OAS1: variants seen among roughly 807,000 people sequenced by gnomAD.
The protein encoded by OAS1 is 2'-5'-oligoadenylate synthetase 1.
OAS1 carries 24 observed loss-of-function variants against 38.5 expected under a neutral mutation model. The observed-to-expected ratio is 0.62, with a 90% CI of 0.45 to 0.88. The LOEUF is 0.88. Among genes scored for constraint, OAS1 ranks in the 40% least tolerant of loss-of-function variants. The pLI is 0.00. For missense variants in OAS1, 482 were observed against 493.9 expected (o/e 0.98, Z 0.23); for synonymous variants, 169 against 193.9 (o/e 0.87, Z 1.07).
chr12:112,918,442 C>T (rs570817835), intron 5 of OAS1: 60 of 331,340 alleles, frequency 1.8e-4, no homozygotes, highest in Middle Eastern at 1.4e-3. Context: ...AATCGTACTG[C>T]GATAAACATA....
At chr12:112,911,268 G>A (rs754062060) in intron 3 of OAS1, 33 bp downstream of exon 3, 2 of 1,547,812 alleles carry the variant, frequency 1.3e-6, no homozygotes, top group Non-Finnish European at 1.8e-6. Flanking sequence ...GGTGGGTCCT[G>A]TCTCGACTGG....
intron 2 of OAS1, 113 bp from the exon 3 acceptor site, chr12:112,910,938 G>A (rs1593155294): frequency 3.1e-6 from 3 of 953,918 alleles, no homozygotes; most frequent in Admixed American, 2.3e-5. Context: ...CCCAGCCCTG[G>A]GTCTGCTGCA....
chr12:112,907,194 CTGTG>C lies in OAS1; in HGVS notation c.163_166del (p.Val55ProfsTer4), dbSNP rs770069482. ...AGGTGCTTCCGAGGTAGCTCCTACC[CTGTG>C]TGTGTGTCCAAGGTGGTAAAGGTGA... On this transcript the variant is annotated frameshift_variant, in exon 1 of 6. Coordinates refer to ENST00000202917, the MANE Select transcript of OAS1 (RefSeq NM_016816.4). LOFTEE classifies it high-confidence loss of function. The C allele has an allele frequency of 3.1e-6, 5 of 1,614,120 alleles. No homozygotes were observed. In the South Asian group the frequency reaches 5.5e-5, roughly 18 times the overall value.
rs1232046389 is a variant in OAS1 at position 112,919,634 on chromosome 12, A to G, written c.*81A>G. On this transcript the variant is annotated 3_prime_UTR_variant, in exon 6 of 6. Coordinates refer to ENST00000202917, the MANE Select transcript of OAS1 (RefSeq NM_016816.4). ...TTTTCAGGTGGGACTCTTGATCCAG[A>G]GAGGACAAAGCTCCTCAGTGAGCTG... 1.2e-6 allele frequency: 2 copies of G among 1,609,934 alleles called. No homozygotes were observed. Among genetic ancestry groups the G allele is most frequent in the Non-Finnish European group, 1.7e-6 (2 of 1,178,114 alleles).
At chr12:112,930,198 G>A (rs2043589064) in intron 6 of OAS1, among the ~76,000 whole-genome samples, 1 of 152,120 alleles carries the variant, frequency 6.6e-6, no homozygotes, top group Non-Finnish European at 1.5e-5. Flanking sequence ...CTTCTGCTAT[G>A]ATTGTAAGCC....
intron 3 of OAS1, among the ~76,000 whole-genome samples, chr12:112,913,073 T>C (rs2043409192): frequency 6.6e-6 from 1 of 152,242 alleles, no homozygotes; most frequent in Non-Finnish European, 1.5e-5. Flanking sequence ...TGATGGTCTA[T>C]TGGTAGTAAA....
intron 6 of OAS1, among the ~76,000 whole-genome samples, chr12:112,926,917 G>C (rs951512747): frequency 4.6e-5 from 7 of 152,090 alleles, no homozygotes; most frequent in South Asian, 2.1e-4. Context: ...CTTTTCCCAG[G>C]GCTGTTAATT....
chr12:112,924,332 A>G (rs1268278536), downstream of OAS1, among the ~76,000 whole-genome samples: 3 of 152,090 alleles, frequency 2.0e-5, no homozygotes. Flanking sequence ...TCTTTTTATC[A>G]AGTCATTGGT....
intron 6 of OAS1, among the ~76,000 whole-genome samples, chr12:112,927,588 C>T (rs1393262137): frequency 6.6e-6 from 1 of 152,202 alleles, no homozygotes; most frequent in African/African-American, 2.4e-5. Flanking sequence ...GTACTAAAAT[C>T]AACCTTACTC....
rs1315453872 is a variant in OAS1 at position 112,919,655 on chromosome 12, A to G, written c.*102A>G. 2 of 1,593,946 alleles carry G rather than the reference A, an allele frequency of 1.3e-6. No individual in the cohort carries two copies. On this transcript the variant is annotated 3_prime_UTR_variant, in exon 6 of 6. Coordinates refer to ENST00000202917, the MANE Select transcript of OAS1 (RefSeq NM_016816.4). ...CCAGAGAGGACAAAGCTCCTCAGTG[A>G]GCTGGTGTATAATCCAGGACAGAAC...
chr12:112,932,124 C>T (rs1424231732), exon 7 of OAS1: 1 of 531,116 alleles, frequency 1.9e-6, no homozygotes, highest in Non-Finnish European at 3.3e-6. Context: ...CATATGAATA[C>T]ATGTGAACTC....
chr12:112,917,736 T>C, intron 5 of OAS1, 36 bp downstream of exon 5: 1 of 1,614,210 alleles, frequency 6.2e-7, no homozygotes, highest in South Asian at 1.1e-5. Context: ...CATTCATCCC[T>C]GCCCCTCTCC....
downstream of OAS1, among the ~76,000 whole-genome samples, chr12:112,923,190 A>T (rs1001763368): frequency 9.9e-5 from 15 of 152,226 alleles, no homozygotes; most frequent in African/African-American, 3.6e-4. Context: ...TGCAGTAAAC[A>T]TGGGAATGCA....
At chr12:112,918,071 A>G in intron 5 of OAS1, 1 of 454,888 alleles carries the variant, frequency 2.2e-6, no homozygotes, top group Non-Finnish European at 3.4e-6. Context: ...TTAGATTCAG[A>G]GGGCACATGT....
At chr12:112,909,372 C>T (rs1044787632) in intron 2 of OAS1, among the ~76,000 whole-genome samples, 4 of 152,174 alleles carry the variant, frequency 2.6e-5, no homozygotes, top group African/African-American at 9.7e-5. Flanking sequence ...AAAATAGGAA[C>T]TTCCAGCCAA....
At chr12:112,929,533 C>T (rs1245377343) in intron 6 of OAS1, among the ~76,000 whole-genome samples, 1 of 152,190 alleles carries the variant, frequency 6.6e-6, no homozygotes, top group East Asian at 1.9e-4. Context: ...GAGCCTCAGG[C>T]AATGAGATTT....
In OAS1 at chr12:112,919,192, C is replaced by T. The variant is rs2043505313; in HGVS notation, c.1039-197C>T. 3 of 563,658 alleles carry T rather than the reference C, an allele frequency of 5.3e-6. No homozygotes were observed. The South Asian group carries it at 6.1e-5, about 12-fold the overall frequency. 34.9% of individuals were successfully genotyped at this position (563,658 alleles called of 1,614,324 possible). ...GGCATGGCTTTGAGCAAAAGGCTCT[C>T]TGCAGCTGAGGCAACCCCTAAAAGG... On this transcript the variant is annotated intron_variant, in intron 5 of 5. Transcript: ENST00000202917.
intron 2 of OAS1, 148 bp downstream of exon 2, chr12:112,908,972 G>A (rs138408097): frequency 2.2e-5 from 17 of 779,172 alleles, no homozygotes; most frequent in Non-Finnish European, 2.8e-5. Flanking sequence ...GAATGAATAC[G>A]GTCATGATCT....
intron 5 of OAS1, 27 bp downstream of exon 5, chr12:112,917,727 A>G (rs768498627): frequency 1.4e-5 from 23 of 1,614,122 alleles, no homozygotes; most frequent in Non-Finnish European, 1.4e-5. Flanking sequence ...CCTCCCTGCC[A>G]TTCATCCCTG....
Sources: gnomAD v4.1 joint callset for allele counts (sites outside exome capture counted in the v4.1 genomes callset) on GRCh38, gnomAD v4.1.1 for gene constraint, MANE v1.5 for transcripts, NCBI Gene and HGNC (gene_info 2026-07-23, HGNC 2026-07-21) for gene names.